Variants in ZNF837 observed in about 807,000 individuals in gnomAD.
ZNF837 encodes zinc finger protein 837.
For missense variants in ZNF837, 955 were observed against 801.7 expected (o/e 1.19, Z -2.31); for synonymous variants, 475 against 365.2 (o/e 1.30, Z -3.43).
chr19:58,376,929 A>T (rs1458195694), intron 1 of ZNF837, among the ~76,000 whole-genome samples: 1 of 151,924 alleles, frequency 6.6e-6, no homozygotes, highest in Admixed American at 6.6e-5. Flanking sequence ...AAAAAAAAAA[A>T]AAAAATGGCC....
At chr19:58,376,300 T>A (rs892719379) in intron 1 of ZNF837, among the ~76,000 whole-genome samples, 1 of 151,730 alleles carries the variant, frequency 6.6e-6, no homozygotes, top group Non-Finnish European at 1.5e-5. Flanking sequence ...CGCCTGTAAT[T>A]CCAGCACTTT....
intron 1 of ZNF837, among the ~76,000 whole-genome samples, chr19:58,371,708 C>T (rs1599924479): frequency 6.6e-6 from 1 of 151,372 alleles, no homozygotes; most frequent in East Asian, 2.0e-4. Flanking sequence ...CAGATATCCT[C>T]TTATTTTATT....
chr19:58,369,084 C>T lies in ZNF837; in HGVS notation c.249G>A (p.Gly83=). 1.6e-5 allele frequency: 25 copies of T among 1,516,336 alleles called. No homozygotes were observed. The highest frequency in any genetic ancestry group is 2.1e-5 in the Non-Finnish European group (24 of 1,131,822). The allele number at this position is 1,516,336 out of a possible 1,614,324, so 93.9% of individuals were successfully genotyped here. A position where few individuals can be genotyped will look rare whatever the true frequency, so the allele number is the denominator to read the frequency against. ...ACGGCTCCCGCACGAGGGGTCTGGT[C>T]CCGGCGCTGTGCCGGGTCCCCGGGC... The part of the protein sequence containing the change: ...SPGPGTRHSA[G]TRPLVREPCG... Residue 83 remains glycine (G), a synonymous_variant, in exon 3 of 3, where the codon GGG becomes GGA. Coordinates refer to ENST00000597582, the MANE Select transcript of ZNF837 (RefSeq NM_138466.2).
At chr19:58,376,353 C>G (rs2052245631) in intron 1 of ZNF837, among the ~76,000 whole-genome samples, 2 of 151,510 alleles carry the variant, frequency 1.3e-5, no homozygotes, top group Admixed American at 1.3e-4. Flanking sequence ...GAGATCGAGA[C>G]CATCCTGGCT....
At chr19:58,375,270 GTATATATATATATA>G (rs58582835) in intron 1 of ZNF837, among the ~76,000 whole-genome samples, 362 of 34,872 alleles carry the variant, frequency 0.01, 29 homozygotes, top group African/African-American at 0.033. Flanking sequence ...AAAAAAAAAA[GTATATATATATATA>G]TATATATATA....
In ZNF837 at chr19:58,367,865, G is replaced by C; in HGVS notation, c.1468C>G (p.Leu490Val). Residue 490 changes from leucine (L) to valine (V), a missense_variant, in exon 3 of 3, where the codon CTG (leucine) becomes GTG (valine). By Grantham distance (32) the Leu-to-Val change is conservative. Transcript: ENST00000597582. ...GTGTGCGTGCGCAGGTGGCGCACCA[G>C]GCTGCAGTTGCGCACGAAGGCCTTG... is the stretch of plus-strand genomic sequence containing the variant. ...CGKAFVRNCS[L>V]VRHLRTHTGE... 6.5e-7 allele frequency: 1 copy of C among 1,535,906 alleles called. No homozygotes were observed. The highest frequency in any genetic ancestry group is 8.7e-7 in the Non-Finnish European group (1 of 1,144,450).
At chr19:58,380,183 T>TGTGC (rs1172672516) in intron 1 of ZNF837, among the ~76,000 whole-genome samples, 3 of 152,184 alleles carry the variant, frequency 2.0e-5, no homozygotes, top group Non-Finnish European at 4.4e-5. Context: ...TGTCCAATTC[T>TGTGC]ACACTGTGCA....
At chr19:58,374,411 A>G (rs563114355) in intron 1 of ZNF837, among the ~76,000 whole-genome samples, 4 of 152,368 alleles carry the variant, frequency 2.6e-5, no homozygotes, top group Non-Finnish European at 5.9e-5. Context: ...AAACATGGAA[A>G]GTAAAAGCAG....
Position 58,367,827 on chromosome 19 carries a change from G to C in ZNF837, c.1506C>G (p.Pro502=), listed in dbSNP as rs1395450923. Residue 502 remains proline, a synonymous_variant, in exon 3 of 3, where the codon CCC becomes CCG. Transcript: ENST00000597582. Reference sequence around the variant, plus strand: ...CGCGGCCGCAATCTCCGCACGCGTAGGGCCGCTCGCCCGTGTGCGTGCGCA... The same window carrying C: ...CGCGGCCGCAATCTCCGCACGCGTACGGCCGCTCGCCCGTGTGCGTGCGCA... ...RHLRTHTGER[P]YACGDCGRAF... is the part of the protein sequence containing the mutation. The C allele has an allele frequency of 9.1e-6, 14 of 1,536,356 alleles. No homozygotes were observed. Among genetic ancestry groups the C allele is most frequent in the Middle Eastern group, 1.7e-4 (1 of 5,922 alleles).
chr19:58,376,404 A>C (rs2052246214), intron 1 of ZNF837, among the ~76,000 whole-genome samples: 2 of 151,460 alleles, frequency 1.3e-5, no homozygotes, highest in African/African-American at 4.8e-5. Flanking sequence ...AAATACAAAA[A>C]ATTAGCCGGG....
chr19:58,371,465 G>A (rs528504965), intron 1 of ZNF837, among the ~76,000 whole-genome samples: 1 of 152,250 alleles, frequency 6.6e-6, no homozygotes, highest in South Asian at 2.1e-4. Context: ...AGGTTTCTCA[G>A]CCTCACACGT....
rs2052171007 is a variant in ZNF837, at chr19:58,368,865, G to A, written c.468C>T (p.Pro156=). Residue 156 remains proline, a synonymous_variant, in exon 3 of 3, where the codon CCC becomes CCT. Transcript: ENST00000597582. ...DPCPERIQNH[P]RTQLCEVHTD... ...TGTGGACCTCACACAGTTGAGTCCG[G>A]GGGTGGTTCTGGATCCGCTCCGGAC... 2 of 1,547,578 alleles carry A rather than the reference G, an allele frequency of 1.3e-6. No individual in the cohort carries two copies. Among genetic ancestry groups the A allele is most frequent in the East Asian group, 4.9e-5 (2 of 40,884 alleles).
At chr19:58,374,956 T>TAC (rs1162102932) in intron 1 of ZNF837, among the ~76,000 whole-genome samples, 20 of 126,184 alleles carry the variant, frequency 1.6e-4, no homozygotes, top group South Asian at 2.6e-4. Flanking sequence ...TATATATATA[T>TAC]ATACACACAC....
At position 58,368,593 on chromosome 19, in the gene ZNF837, G is replaced by T. The variant is rs542402200; in HGVS notation, c.740C>A (p.Pro247Gln). Residue 247 changes from proline (P) to glutamine (Q), a missense_variant, in exon 3 of 3, where the codon CCA (proline) becomes CAA (glutamine). Pro to Gln is a moderately conservative substitution (Grantham distance 76, BLOSUM62 -1). Coordinates refer to ENST00000597582, the MANE Select transcript of ZNF837 (RefSeq NM_138466.2). ...NQQQQAGKSP[P>Q]VCPECGQTSR... is the part of the protein sequence containing the mutation. ...GGTTTGGCCGCACTCAGGACACACTGGGGGACTCTTGCCCGCCTGCTGCTG... is the reference window on the plus strand; with the variant it reads ...GGTTTGGCCGCACTCAGGACACACTTGGGGACTCTTGCCCGCCTGCTGCTG... 2.0e-6 allele frequency: 3 copies of T among 1,535,616 alleles called. No homozygotes were observed. The highest frequency in any genetic ancestry group is 2.4e-5 in the South Asian group (2 of 83,736).
chr19:58,368,989 C>A lies in ZNF837; in HGVS notation c.344G>T (p.Cys115Phe). 1 of 1,524,764 alleles carries A rather than the reference C, an allele frequency of 6.6e-7. No individual in the cohort carries two copies. The highest frequency in any genetic ancestry group is 1.2e-5 in the South Asian group (1 of 81,004). 94.5% of individuals were successfully genotyped at this position (1,524,764 alleles called of 1,614,324 possible). Reference sequence around the variant, plus strand: ...GTCCCCGCCACGCGCTGGGCTCCTACAGGGGCCCTCCCGGGCTTGCAGCCC... The same window carrying A: ...GTCCCCGCCACGCGCTGGGCTCCTAAAGGGGCCCTCCCGGGCTTGCAGCCC... ...PEGLQAREGP[C>F]RSPARGGDCS... The change falls in exon 3 of 3, where the codon TGT (cysteine) becomes TTT (phenylalanine). Residue 115 changes from cysteine to phenylalanine, a missense_variant. Transcript: ENST00000597582.
At chr19:58,378,652 GC>G (rs1295138280) in intron 1 of ZNF837, among the ~76,000 whole-genome samples, 1 of 152,212 alleles carries the variant, frequency 6.6e-6, no homozygotes, top group African/African-American at 2.4e-5. Flanking sequence ...GAAGGAGGCT[GC>G]AAAAGATATA....
chr19:58,371,817 G>A (rs1432721090), intron 1 of ZNF837, among the ~76,000 whole-genome samples: 1 of 152,156 alleles, frequency 6.6e-6, no homozygotes. Flanking sequence ...CGCCTGCTGG[G>A]TTCAAGCAAT....
rs1446145544 is a variant in ZNF837 at position 58,368,997 on chromosome 19, C to A, written c.336G>T (p.Glu112Asp). 2.0e-6 allele frequency: 3 copies of A among 1,519,960 alleles called. No individual in the cohort carries two copies. In the East Asian group the frequency reaches 7.4e-5, roughly 38 times the overall value. 94.2% of individuals were successfully genotyped at this position (1,519,960 alleles called of 1,614,324 possible). A position where few individuals can be genotyped will look rare whatever the true frequency, so the allele number is the denominator to read the frequency against. ...CACGCGCTGGGCTCCTACAGGGGCC[C>A]TCCCGGGCTTGCAGCCCCTCGGGGA... ...LVIPEGLQAR[E>D]GPCRSPARGG... Residue 112 changes from glutamate to aspartate, a missense_variant, in exon 3 of 3, where the codon GAG becomes GAT. By Grantham distance (45) the Glu-to-Asp change is conservative (BLOSUM62 2). Coordinates refer to ENST00000597582, the MANE Select transcript of ZNF837 (RefSeq NM_138466.2).
Position 58,368,866 on chromosome 19 carries a change from G to A in ZNF837, c.467C>T (p.Pro156Leu). The A allele has an allele frequency of 6.5e-7, 1 of 1,547,638 alleles. No homozygotes were observed. The highest frequency in any genetic ancestry group is 1.2e-5 in the South Asian group (1 of 84,050). The change falls in exon 3 of 3, where the codon CCC (proline) becomes CTC (leucine). Residue 156 changes from proline (P) to leucine (L), a missense_variant. Pro to Leu is a moderately conservative substitution (Grantham distance 98). Transcript: ENST00000597582. ...GTGGACCTCACACAGTTGAGTCCGG[G>A]GGTGGTTCTGGATCCGCTCCGGACA... The part of the protein sequence containing the change: ...DPCPERIQNH[P>L]RTQLCEVHTD...
Sources: allele counts gnomAD v4.1 joint callset (sites outside exome capture counted in the v4.1 genomes callset), GRCh38; gene constraint gnomAD v4.1.1; transcripts MANE v1.5; gene names NCBI Gene and HGNC (gene_info 2026-07-23, HGNC 2026-07-21).